GPR4: variants seen among roughly 807,000 people sequenced by gnomAD.
The protein encoded by GPR4 is G protein-coupled receptor 4.
Under a neutral mutation model 17.8 loss-of-function variants are expected in GPR4, and 11 were observed. The observed-to-expected ratio is 0.62, with a 90% CI of 0.39 to 1.02. The LOEUF (loss-of-function observed/expected upper bound fraction) is 1.02. Among genes scored for constraint, GPR4 ranks in the 50% least tolerant of loss-of-function variants. The probability of loss-of-function intolerance (pLI) is 0.00; values close to 1 mark genes in which losing one functional copy is unlikely to be tolerated. For missense variants in GPR4, 364 were observed against 495.4 expected (o/e 0.73, Z 2.52); for synonymous variants, 219 against 222.8 (o/e 0.98, Z 0.15).
intron 1 of GPR4, among the ~76,000 whole-genome samples, chr19:45,596,599 C>T (rs1406043755): frequency 6.6e-6 from 1 of 152,062 alleles, no homozygotes; most frequent in African/African-American, 2.4e-5. Context: ...CTCTGTCATG[C>T]AGTAGTGCAA....
intron 1 of GPR4, among the ~76,000 whole-genome samples, chr19:45,596,759 G>A (rs1310923927): frequency 3.3e-5 from 5 of 151,610 alleles, no homozygotes; most frequent in African/African-American, 1.2e-4. Flanking sequence ...TGCCCAGGCC[G>A]GTCTCCAACT....
rs1305313766 is a variant in GPR4, at chr19:45,591,336, C to A, written c.531G>T (p.Trp177Cys). 1 of 1,612,958 alleles carries A rather than the reference C, an allele frequency of 6.2e-7. No individual in the cohort carries two copies. The highest frequency in any genetic ancestry group is 8.5e-7 in the Non-Finnish European group (1 of 1,179,854). ...FCFEKFPMEGWVAWMNLYRVF... is the reference protein window; with the variant it reads ...FCFEKFPMEGCVAWMNLYRVF... Reference sequence around the variant, plus strand: ...CCCGATAGAGGTTCATCCAGGCCACCCAGCCTTCCATGGGGAACTTCTCAA... The same window carrying A: ...CCCGATAGAGGTTCATCCAGGCCACACAGCCTTCCATGGGGAACTTCTCAA... The change falls in exon 2 of 2, where the codon TGG (tryptophan) becomes TGT (cysteine). Residue 177 changes from tryptophan (W) to cysteine (C), a missense_variant. Transcript: ENST00000323040. This position sits in a 1 kb window ranked among gnomAD's most constrained non-coding sequence, Gnocchi z 7.6.
intron 1 of GPR4, among the ~76,000 whole-genome samples, chr19:45,595,652 G>T (rs1221744950): frequency 6.6e-6 from 1 of 152,096 alleles, no homozygotes; most frequent in Non-Finnish European, 1.5e-5. Context: ...GAGAAGCAGA[G>T]CCAAGTCCAG....
intron 1 of GPR4, among the ~76,000 whole-genome samples, chr19:45,595,845 C>T (rs1970052918): frequency 6.6e-6 from 1 of 152,098 alleles, no homozygotes; most frequent in Non-Finnish European, 1.5e-5. Flanking sequence ...GAGAGGCCAC[C>T]TCTGAAGAAT....
At chr19:45,597,822 A>T (rs1188385673) in intron 1 of GPR4, among the ~76,000 whole-genome samples, 1 of 152,022 alleles carries the variant, frequency 6.6e-6, no homozygotes, top group Admixed American at 6.5e-5. Flanking sequence ...AAAGGGCAAG[A>T]TCTATCCGCT....
At chr19:45,599,084 C>G (rs924345676) in intron 1 of GPR4, among the ~76,000 whole-genome samples, 3 of 152,206 alleles carry the variant, frequency 2.0e-5, no homozygotes, top group Admixed American at 6.5e-5. Context: ...GAAGCTCCCC[C>G]TGTCTGTCCC....
chr19:45,599,285 G>C (rs373514808), intron 1 of GPR4, among the ~76,000 whole-genome samples: 4 of 152,244 alleles, frequency 2.6e-5, no homozygotes, highest in South Asian at 4.1e-4. Flanking sequence ...AAAACTTGGA[G>C]GATTTTGAGG....
chr19:45,592,035 G>GGGCTT lies in GPR4; in HGVS notation c.-170_-169insAAGCC. On this transcript the variant is annotated 5_prime_UTR_variant, in exon 2 of 2. Transcript: ENST00000323040. ...GAGGTTGGGTAGGCTGGGCTGGGCT[G>GGGCTT]GGAAGGGCAGAGCTTGAGAGGGAAA... The GGGCTT allele has an allele frequency of 1.6e-6, 1 of 619,534 alleles. No homozygotes were observed. Among genetic ancestry groups the GGGCTT allele is most frequent in the Non-Finnish European group, 2.7e-6 (1 of 369,506 alleles). The allele number at this position is 619,534 out of a possible 1,614,324, so 38.4% of individuals were successfully genotyped here.
At chr19:45,598,776 G>C (rs944442255) in intron 1 of GPR4, among the ~76,000 whole-genome samples, 6 of 152,156 alleles carry the variant, frequency 3.9e-5, no homozygotes, top group African/African-American at 1.2e-4. Flanking sequence ...TAAGTCACTT[G>C]ATGTCTCAAG....
At position 45,592,244 on chromosome 19, in the gene GPR4, G is replaced by T; in HGVS notation, c.-378C>A. The T allele has an allele frequency of 4.7e-6, 1 of 214,656 alleles. No individual in the cohort carries two copies. The highest frequency in any genetic ancestry group is 1.4e-4 in the South Asian group (1 of 7,060). The allele number at this position is 214,656 out of a possible 1,614,324, so 13.3% of individuals were successfully genotyped here. ...CGAAAGCATCGCTGGGCAATGGTGA[G>T]AAGGAGATGGTTTGCAGGGCAATTA... On this transcript the variant is annotated 5_prime_UTR_variant, in exon 2 of 2. Transcript: ENST00000323040.
chr19:45,594,078 A>ATATATATATATTTTTTATATATATTT lies in GPR4; in HGVS notation c.-831-1382_-831-1381insAAATATATATAAAAAATATATATATA, dbSNP rs1555738345. On this transcript the variant is annotated intron_variant, in intron 1 of 1. Coordinates refer to ENST00000323040, the MANE Select transcript of GPR4 (RefSeq NM_005282.3). ...AAAAAAAAAAAATATATATATATAT[A>ATATATATATATTTTTTATATATATTT]TATATATATATATATAAAATAGATG... 3.5e-3 allele frequency among the ~76,000 whole-genome samples: 261 copies of ATATATATATATTTTTTATATATATTT among 74,502 alleles called. 13 individuals carry two copies. The highest frequency in any genetic ancestry group is 0.02 in the African/African-American group (239 of 12,182). The allele number at this position is 74,502 out of a possible 152,430, so 48.9% of individuals were successfully genotyped here.
Position 45,593,677 on chromosome 19 carries a change from G to A in GPR4, c.-831-980C>T, listed in dbSNP as rs78973215. 2.8e-3 allele frequency among the ~76,000 whole-genome samples: 420 copies of A among 152,010 alleles called. 3 individuals carry two copies. The highest frequency in any genetic ancestry group is 6.6e-3 in the Admixed American group (101 of 15,222). On this transcript the variant is annotated intron_variant, in intron 1 of 1. Transcript: ENST00000323040. ...ACTAGTCTAACTCTATCATGTCACAGACAGGGAGAAGGGGCCCAGAGAGGC... is the reference window on the plus strand; with the variant it reads ...ACTAGTCTAACTCTATCATGTCACAAACAGGGAGAAGGGGCCCAGAGAGGC...
rs753457588 is a variant in GPR4 at position 45,591,707 on chromosome 19, C to T, written c.160G>A (p.Val54Ile). ...GCGATGCTGAGGTTCATCAGGTAGA[C>T]GCCCAGCTCGTTGCGCTGTTGCACC... ...RQVQQRNELG[V>I]YLMNLSIADL... Residue 54 changes from valine to isoleucine, a missense_variant, in exon 2 of 2, where the codon GTC (valine) becomes ATC (isoleucine). Coordinates refer to ENST00000323040, the MANE Select transcript of GPR4 (RefSeq NM_005282.3). The surrounding 1 kb of genome is among the most constrained non-coding windows in gnomAD (Gnocchi z 7.6). 1.9e-6 allele frequency: 3 copies of T among 1,614,036 alleles called. No homozygotes were observed. The highest frequency in any genetic ancestry group is 1.1e-5 in the South Asian group (1 of 91,074).
chr19:45,597,712 G>T (rs1970071572), intron 1 of GPR4, among the ~76,000 whole-genome samples: 1 of 152,154 alleles, frequency 6.6e-6, no homozygotes, highest in Non-Finnish European at 1.5e-5. Context: ...CCATGAGGCT[G>T]CCCCACCCCA....
chr19:45,595,729 A>C (rs1600022959), intron 1 of GPR4, among the ~76,000 whole-genome samples: 1 of 131,164 alleles, frequency 7.6e-6, no homozygotes. Flanking sequence ...TGGACGTGAA[A>C]CCTGGCTTTT....
chr19:45,600,626 T>C (rs1237221736), intron 1 of GPR4, among the ~76,000 whole-genome samples: 1 of 152,194 alleles, frequency 6.6e-6, no homozygotes, highest in Non-Finnish European at 1.5e-5. Flanking sequence ...TGGGCTTCAG[T>C]TGAAAACTGG....
At chr19:45,594,745 G>T (rs62111688) in intron 1 of GPR4, among the ~76,000 whole-genome samples, 14 of 66,874 alleles carry the variant, frequency 2.1e-4, no homozygotes, top group South Asian at 1.1e-3. Context: ...CACTTTGGGA[G>T]GCCAAGGCGG....
intron 1 of GPR4, among the ~76,000 whole-genome samples, chr19:45,593,451 A>T (rs1191270138): frequency 6.6e-6 from 1 of 151,322 alleles, no homozygotes; most frequent in African/African-American, 2.4e-5. Context: ...GTGAGCTGAG[A>T]TCGCACCACT....
Position 45,590,838 on chromosome 19 carries a change from CG to C in GPR4, c.1028del (p.Ala343GlyfsTer13), listed in dbSNP as rs1600016727. 1 of 1,610,498 alleles carries C rather than the reference CG, an allele frequency of 6.2e-7. No individual in the cohort carries two copies. Among genetic ancestry groups the C allele is most frequent in the Non-Finnish European group, 8.5e-7 (1 of 1,177,818 alleles). On this transcript the variant is annotated frameshift_variant, in exon 2 of 2. Coordinates refer to ENST00000323040, the MANE Select transcript of GPR4 (RefSeq NM_005282.3). LOFTEE classifies it high-confidence loss of function. ...GGTCCCCCTGGGAGGGCGGAGTGGCCGCCCAGCTGCCAGTCATGGCTTTGGC... is the reference window on the plus strand; with the variant it reads ...GGTCCCCCTGGGAGGGCGGAGTGGCCCCCAGCTGCCAGTCATGGCTTTGGC... Reference protein sequence around the residue: ...STAKAMTGSWAATPPSQGDQV... With the variant: ...STAKAMTGSWXATPPSQGDQV...
Sources: allele counts gnomAD v4.1 joint callset (sites outside exome capture counted in the v4.1 genomes callset), GRCh38; gene constraint gnomAD v4.1.1; non-coding constraint Gnocchi (gnomAD v3.1); transcripts MANE v1.5; gene names NCBI Gene and HGNC (gene_info 2026-07-23, HGNC 2026-07-21).